The following ZDHHC14 variants were observed in gnomAD, a reference collection of about 807,000 sequenced individuals.
ZDHHC14 encodes palmitoyltransferase ZDHHC14.
ZDHHC14 carries 16 observed loss-of-function variants against 47.7 expected under a neutral mutation model. The observed-to-expected ratio is 0.34, with a 90% CI of 0.23 to 0.51. The LOEUF is 0.51. Among genes scored for constraint, ZDHHC14 ranks in the 20% least tolerant of loss-of-function variants. The pLI is 0.97. For missense variants in ZDHHC14, 515 were observed against 662.5 expected, an observed-to-expected ratio of 0.78 and a Z score of 2.44; for synonymous variants, 293 against 278.9, an observed-to-expected ratio of 1.05 and a Z score of -0.50.
intron 1 of ZDHHC14, among the ~76,000 whole-genome samples, chr6:157,419,156 C>T (rs867111069): frequency 1.3e-5 from 2 of 152,152 alleles, no homozygotes; most frequent in Non-Finnish European, 2.9e-5. Context: ...TGCTGTCTTC[C>T]TCCTGAGGTT....
chr6:157,382,015 C>T lies in ZDHHC14; in HGVS notation c.-7C>T, dbSNP rs779644363. 5 of 1,482,746 alleles carry T rather than the reference C, an allele frequency of 3.4e-6. No homozygotes were observed. Among genetic ancestry groups the T allele is most frequent in the Non-Finnish European group, 4.5e-6 (5 of 1,116,276 alleles). The allele number at this position is 1,482,746 out of a possible 1,614,324, so 91.8% of individuals were successfully genotyped here. A position where few individuals can be genotyped will look rare whatever the true frequency, so the allele number is the denominator to read the frequency against. ...GGGTGTGCGCCCCCAGCCGGCTGCC[C>T]TCGTGGATGCCTCCCGGCGGCGGCG... On this transcript the variant is annotated 5_prime_UTR_variant, in exon 1 of 9. Transcript: ENST00000359775.
chr6:157,660,601 A>G (rs1778307796), intron 8 of ZDHHC14, among the ~76,000 whole-genome samples: 1 of 152,174 alleles, frequency 6.6e-6, no homozygotes, highest in African/African-American at 2.4e-5. Flanking sequence ...GGGATAATTT[A>G]TTACAATCTG....
chr6:157,532,566 G>A (rs1490907789), intron 1 of ZDHHC14, among the ~76,000 whole-genome samples: 9 of 152,158 alleles, frequency 5.9e-5, no homozygotes. Context: ...GGCCCTATAT[G>A]TGTGGCCTTG....
chr6:157,571,884 G>A (rs1295932185), intron 2 of ZDHHC14, among the ~76,000 whole-genome samples: 1 of 149,186 alleles, frequency 6.7e-6, no homozygotes, highest in Admixed American at 6.8e-5. Context: ...CTGACTTGCT[G>A]TTAATTTTGT....
intron 1 of ZDHHC14, among the ~76,000 whole-genome samples, chr6:157,525,926 T>C (rs1781138315): frequency 6.6e-6 from 1 of 152,298 alleles, no homozygotes; most frequent in East Asian, 1.9e-4. Context: ...TATCCTGTCC[T>C]CTCCGCCGGG....
chr6:157,585,752 C>G (rs191663397), intron 2 of ZDHHC14, among the ~76,000 whole-genome samples: 51 of 152,318 alleles, frequency 3.3e-4, no homozygotes, highest in Non-Finnish European at 5.1e-4. Flanking sequence ...GCCTTCTCAG[C>G]CGGCCCTTTT....
intron 2 of ZDHHC14, among the ~76,000 whole-genome samples, chr6:157,571,278 G>A (rs112158251): frequency 0.014 from 2,134 of 152,282 alleles, 62 homozygotes; most frequent in African/African-American, 0.048. Flanking sequence ...AAATCAGCAT[G>A]CACTCTAGAC....
chr6:157,607,930 C>T (rs1034803152), intron 3 of ZDHHC14, among the ~76,000 whole-genome samples: 1 of 152,208 alleles, frequency 6.6e-6, no homozygotes, highest in African/African-American at 2.4e-5. Context: ...GAAACAAGAT[C>T]GTATTGCACA....
chr6:157,473,988 CTTTTTTTTTTTTTT>C (rs34287258), intron 1 of ZDHHC14, among the ~76,000 whole-genome samples: 19 of 118,604 alleles, frequency 1.6e-4, no homozygotes, highest in African/African-American at 5.9e-4. Context: ...ATTTTCTTTT[CTTTTTTTTTTTTTT>C]TTTTGAGACG....
chr6:157,456,584 C>T (rs149855638), intron 1 of ZDHHC14, among the ~76,000 whole-genome samples: 1,724 of 152,282 alleles, frequency 0.011, 26 homozygotes, highest in African/African-American at 0.039. Flanking sequence ...GACAAAGCAC[C>T]ACCATGTTTC....
chr6:157,641,844 G>A lies in ZDHHC14; in HGVS notation c.753-3893G>A, dbSNP rs150221455. ...TAATTTATCTATCAGATAATTTTGT[G>A]GATGTGGTGCAAGCTGAAGTTCTAG... On this transcript the variant is annotated intron_variant, in intron 5 of 8. Transcript: ENST00000359775. 4.6e-5 allele frequency among the ~76,000 whole-genome samples: 7 copies of A among 152,222 alleles called. No individual in the cohort carries two copies. In the East Asian group the frequency reaches 1.3e-3, roughly 29 times the overall value.
chr6:157,597,044 C>G (rs1784161423), intron 3 of ZDHHC14, among the ~76,000 whole-genome samples: 1 of 152,190 alleles, frequency 6.6e-6, no homozygotes, highest in Non-Finnish European at 1.5e-5. Flanking sequence ...TTCTCTGAAT[C>G]CTTGACTGTC....
intron 3 of ZDHHC14, among the ~76,000 whole-genome samples, chr6:157,606,261 T>C (rs2114915180): frequency 6.6e-6 from 1 of 152,088 alleles, no homozygotes; most frequent in East Asian, 1.9e-4. Flanking sequence ...GGTCAGGAGT[T>C]TGAGACTAGC....
chr6:157,485,429 T>C (rs796761742), intron 1 of ZDHHC14, among the ~76,000 whole-genome samples: 8 of 152,360 alleles, frequency 5.3e-5, no homozygotes, highest in African/African-American at 1.7e-4. Flanking sequence ...TTTCTTTGTA[T>C]GTAAAAATTT....
chr6:157,382,091 C>A lies in ZDHHC14; in HGVS notation c.70C>A (p.Pro24Thr). Reference protein sequence around the residue: ...YSQISTHSSSPMESPHKKKKI... With the variant: ...YSQISTHSSSTMESPHKKKKI... Reference sequence around the variant, plus strand: ...CCAGATCAGCACCCACAGCTCCTCCCCCATGGAGTCGCCCCACAAGAAGAA... The same window carrying A: ...CCAGATCAGCACCCACAGCTCCTCCACCATGGAGTCGCCCCACAAGAAGAA... Residue 24 changes from proline to threonine, a missense_variant, in exon 1 of 9, where the codon CCC becomes ACC. Physicochemically the swap from Pro to Thr is conservative, Grantham distance 38. Around this residue, in one of 4 missense-constraint regions of ZDHHC14, gnomAD observed 59 missense variants for 57.7 expected, o/e 1.02. Transcript: ENST00000359775. 1 of 1,610,958 alleles carries A rather than the reference C, an allele frequency of 6.2e-7. No individual in the cohort carries two copies. The highest frequency in any genetic ancestry group is 1.3e-5 in the African/African-American group (1 of 74,940).
chr6:157,532,188 G>A (rs1024659293), intron 1 of ZDHHC14, among the ~76,000 whole-genome samples: 1 of 152,274 alleles, frequency 6.6e-6, no homozygotes, highest in Non-Finnish European at 1.5e-5. Flanking sequence ...CTTGGGATGG[G>A]AGGAGAGCCT....
At chr6:157,509,164 A>G (rs2114746879) in intron 1 of ZDHHC14, among the ~76,000 whole-genome samples, 1 of 151,456 alleles carries the variant, frequency 6.6e-6, no homozygotes, top group East Asian at 2.0e-4. Context: ...TTCTTCCAAC[A>G]CCCCTCTACG....
At chr6:157,638,942 G>T (rs994043996) in intron 5 of ZDHHC14, among the ~76,000 whole-genome samples, 1 of 152,258 alleles carries the variant, frequency 6.6e-6, no homozygotes, top group Non-Finnish European at 1.5e-5. Flanking sequence ...AGGCCCAGAG[G>T]ATGGTGCCAG....
At chr6:157,638,325 A>G (rs189785161) in intron 5 of ZDHHC14, among the ~76,000 whole-genome samples, 3 of 151,786 alleles carry the variant, frequency 2.0e-5, no homozygotes, top group African/African-American at 4.8e-5. Flanking sequence ...CTTCCTTCCC[A>G]CCTCCCATTG....
Sources: allele counts gnomAD v4.1 joint callset (sites outside exome capture counted in the v4.1 genomes callset), GRCh38; gene constraint gnomAD v4.1.1; regional missense constraint gnomAD v4.1.1; transcripts MANE v1.5; gene names NCBI Gene and HGNC (gene_info 2026-07-23, HGNC 2026-07-21).